NDUFS4: variants seen among roughly 807,000 people sequenced by gnomAD.
NDUFS4 encodes NADH:ubiquinone oxidoreductase subunit S4.
NDUFS4 carries 28 observed loss-of-function variants against 24.3 expected under a neutral mutation model. The ratio of observed to expected loss-of-function variants is 1.15; its 90% CI spans 0.85 to 1.58. The LOEUF (loss-of-function observed/expected upper bound fraction) is 1.58, where lower values mean the gene tolerates loss of function less well. NDUFS4 is among the 40% of genes most tolerant of loss of function. The pLI, the probability that NDUFS4 is intolerant of heterozygous loss-of-function variation, is 0.00. For missense variants in NDUFS4, 223 were observed against 207.9 expected, an observed-to-expected ratio of 1.07 and a Z score of -0.45; for synonymous variants, 93 against 69.7, an observed-to-expected ratio of 1.34 and a Z score of -1.67.
intron 4 of NDUFS4, among the ~76,000 whole-genome samples, chr5:53,672,112 G>A (rs185634511): frequency 1.9e-4 from 29 of 152,146 alleles, no homozygotes; most frequent in Admixed American, 1.2e-3. Context: ...AATTGGAGAT[G>A]TAGCTTAGTA....
In NDUFS4 at chr5:53,636,427, T is replaced by C. The variant is rs185748371; in HGVS notation, c.178-9806T>C. 3.3e-5 allele frequency among the ~76,000 whole-genome samples: 5 copies of C among 152,342 alleles called. No individual in the cohort carries two copies. In the East Asian group the frequency reaches 7.7e-4, roughly 23 times the overall value. On this transcript the variant is annotated intron_variant, in intron 2 of 4. Coordinates refer to ENST00000296684, the MANE Select transcript of NDUFS4 (RefSeq NM_002495.4). ...TAGTTTGGAGAGCTGTAGCTAGATA[T>C]TAGAAGAAACCGGAAGAATTCAGGA...
At chr5:53,624,496 T>C (rs1751157609) in intron 2 of NDUFS4, among the ~76,000 whole-genome samples, 1 of 152,210 alleles carries the variant, frequency 6.6e-6, no homozygotes, top group Admixed American at 6.5e-5. Flanking sequence ...CACTTACTTA[T>C]GTCTTTAATT....
chr5:53,631,707 A>G (rs540511224), intron 2 of NDUFS4, among the ~76,000 whole-genome samples: 4 of 152,266 alleles, frequency 2.6e-5, no homozygotes, highest in Non-Finnish European at 4.4e-5. Context: ...AGCCTCAGCA[A>G]TGGCGGACTC....
chr5:53,678,540 GGACAACATA>G (rs1740550828), intron 4 of NDUFS4, among the ~76,000 whole-genome samples: 1 of 152,032 alleles, frequency 6.6e-6, no homozygotes, highest in South Asian at 2.1e-4. Flanking sequence ...TACCCTAATA[GGACAACATA>G]TGGGACCATT....
chr5:53,665,635 A>G (rs907428990), intron 4 of NDUFS4, among the ~76,000 whole-genome samples: 11 of 152,196 alleles, frequency 7.2e-5, no homozygotes, highest in African/African-American at 2.7e-4. Flanking sequence ...CAGGTGCGGG[A>G]TATAATCTCC....
chr5:53,624,525 C>T (rs568245335), intron 2 of NDUFS4, among the ~76,000 whole-genome samples: 8 of 152,184 alleles, frequency 5.3e-5, no homozygotes, highest in East Asian at 3.9e-4. Flanking sequence ...CAGTGTTTTG[C>T]GGTTTTCAGT....
chr5:53,561,716 A>C (rs1168387737), intron 1 of NDUFS4, among the ~76,000 whole-genome samples: 1 of 152,188 alleles, frequency 6.6e-6, no homozygotes, highest in Non-Finnish European at 1.5e-5. Context: ...GTAGAATGCT[A>C]ATTGATTTAG....
At chr5:53,597,835 T>TA (rs1461005987) in intron 1 of NDUFS4, among the ~76,000 whole-genome samples, 1 of 152,162 alleles carries the variant, frequency 6.6e-6, no homozygotes, top group African/African-American at 2.4e-5. Flanking sequence ...ACTAGGAAGA[T>TA]ATATTTGCAA....
chr5:53,592,624 T>C (rs2112443702), intron 1 of NDUFS4, among the ~76,000 whole-genome samples: 1 of 152,346 alleles, frequency 6.6e-6, no homozygotes, highest in African/African-American at 2.4e-5. Context: ...TGTCTGGTTG[T>C]ACCAGCATCA....
At chr5:53,615,654 G>C (rs1169927783) in intron 2 of NDUFS4, among the ~76,000 whole-genome samples, 1 of 151,586 alleles carries the variant, frequency 6.6e-6, no homozygotes, top group Non-Finnish European at 1.5e-5. Context: ...TTCTAGAAAT[G>C]TGTGAATAGG....
chr5:53,615,574 G>C (rs1750815941), intron 2 of NDUFS4, among the ~76,000 whole-genome samples: 1 of 152,012 alleles, frequency 6.6e-6, no homozygotes, highest in Non-Finnish European at 1.5e-5. Flanking sequence ...AAATAGGGCA[G>C]TGATATGGAA....
At chr5:53,614,644 C>T (rs1750791364) in intron 2 of NDUFS4, among the ~76,000 whole-genome samples, 1 of 151,948 alleles carries the variant, frequency 6.6e-6, no homozygotes, top group Admixed American at 6.6e-5. Context: ...ATAGCCACAA[C>T]ATCTTTAATG....
intron 2 of NDUFS4, among the ~76,000 whole-genome samples, chr5:53,639,087 C>A (rs969114809): frequency 5.9e-5 from 9 of 151,326 alleles, no homozygotes; most frequent in African/African-American, 2.2e-4. Context: ...AATTTACTCT[C>A]TTTTTTCCCA....
intron 2 of NDUFS4, among the ~76,000 whole-genome samples, chr5:53,618,122 A>G (rs558258357): frequency 6.6e-6 from 1 of 152,102 alleles, no homozygotes; most frequent in African/African-American, 2.4e-5. Flanking sequence ...CCAAAAAAAA[A>G]TTAGCCGAGG....
At chr5:53,573,675 A>G (rs1237337772) in intron 1 of NDUFS4, 1 of 420,030 alleles carries the variant, frequency 2.4e-6, no homozygotes, top group East Asian at 7.9e-5. Context: ...TACATCCCTG[A>G]GCTCCTGGGC....
chr5:53,643,817 A>G (rs1751768713), intron 2 of NDUFS4, among the ~76,000 whole-genome samples: 1 of 152,084 alleles, frequency 6.6e-6, no homozygotes, highest in Non-Finnish European at 1.5e-5. Context: ...GTAGTACCTT[A>G]CATGTCTTCT....
intron 1 of NDUFS4, among the ~76,000 whole-genome samples, chr5:53,588,023 A>G (rs544215887): frequency 6.6e-6 from 1 of 152,272 alleles, no homozygotes; most frequent in East Asian, 1.9e-4. Flanking sequence ...CCAATTATTA[A>G]TAAGTGATTG....
intron 2 of NDUFS4, among the ~76,000 whole-genome samples, chr5:53,620,762 C>T (rs549200852): frequency 3.3e-5 from 5 of 152,218 alleles, no homozygotes; most frequent in African/African-American, 7.2e-5. Flanking sequence ...ATTTATTTGG[C>T]GAACTACATT....
chr5:53,585,585 A>C (rs1191640836), intron 1 of NDUFS4, among the ~76,000 whole-genome samples: 2 of 152,076 alleles, frequency 1.3e-5, no homozygotes, highest in African/African-American at 2.4e-5. Context: ...TCTACTAAAA[A>C]TACGAAATTA....
Sources: allele counts gnomAD v4.1 joint callset (sites outside exome capture counted in the v4.1 genomes callset), GRCh38; gene constraint gnomAD v4.1.1; transcripts MANE v1.5; gene names NCBI Gene and HGNC (gene_info 2026-07-23, HGNC 2026-07-21).